CAPZA2: variants seen among roughly 807,000 people sequenced by gnomAD.
CAPZA2 encodes F-actin-capping protein subunit alpha-2.
A neutral mutation model predicts 44.0 loss-of-function variants in CAPZA2; 13 were observed. The ratio of observed to expected loss-of-function variants is 0.30; its 90% CI spans 0.19 to 0.47. CAPZA2 has a LOEUF of 0.47. Ranked by LOEUF, CAPZA2 falls within the 20% of genes least tolerant of loss-of-function variation. The pLI, the probability that CAPZA2 is intolerant of heterozygous loss-of-function variation, is 1.00. For synonymous variants in CAPZA2, 94 were observed against 108.2 expected (o/e 0.87, Z 0.81); for missense variants, 244 against 338.6 (o/e 0.72, Z 2.19).
At chr7:116,880,046 T>C in intron 1 of CAPZA2, 2 of 464,696 alleles carry the variant, frequency 4.3e-6, no homozygotes, top group Non-Finnish European at 8.9e-6. Flanking sequence ...CCCGCTCTGA[T>C]TGATTTTTTT....
At chr7:116,891,746 C>T (rs763377624) in intron 2 of CAPZA2, among the ~76,000 whole-genome samples, 3 of 152,228 alleles carry the variant, frequency 2.0e-5, no homozygotes, top group Non-Finnish European at 2.9e-5. Context: ...CTCCTGACCT[C>T]GTGATCCACC....
At chr7:116,870,749 AG>A in intron 1 of CAPZA2, among the ~76,000 whole-genome samples, 1 of 152,326 alleles carries the variant, frequency 6.6e-6, no homozygotes, top group South Asian at 2.1e-4. Flanking sequence ...TCGTCCCACA[AG>A]AAATGGAGGA....
At chr7:116,883,454 G>T (rs372147850) in intron 1 of CAPZA2, among the ~76,000 whole-genome samples, 2 of 152,152 alleles carry the variant, frequency 1.3e-5, no homozygotes, top group Non-Finnish European at 2.9e-5. Context: ...CCTTTCTTTT[G>T]TCTAGGGCCT....
chr7:116,913,342 G>A (rs762768497), intron 8 of CAPZA2, among the ~76,000 whole-genome samples: 4 of 150,066 alleles, frequency 2.7e-5, no homozygotes, highest in South Asian at 2.1e-4. Flanking sequence ...ACCCAAGGTC[G>A]TGGAGATCTA....
At chr7:116,906,599 T>A in intron 6 of CAPZA2, 1 of 400,602 alleles carries the variant, frequency 2.5e-6, no homozygotes, top group Non-Finnish European at 4.1e-6. Context: ...CATGTGTGCC[T>A]GCGAGAACAC....
chr7:116,869,803 T>C (rs928704598), intron 1 of CAPZA2, among the ~76,000 whole-genome samples: 1 of 152,244 alleles, frequency 6.6e-6, no homozygotes, highest in African/African-American at 2.4e-5. Flanking sequence ...AGCTTCCATC[T>C]AAACTTTCTT....
intron 2 of CAPZA2, among the ~76,000 whole-genome samples, chr7:116,890,030 T>C (rs1296526923): frequency 6.6e-6 from 1 of 152,176 alleles, no homozygotes; most frequent in Admixed American, 6.5e-5. Flanking sequence ...GTAACTTAAA[T>C]TGATAATGGT....
intron 3 of CAPZA2, among the ~76,000 whole-genome samples, chr7:116,898,056 A>G (rs1258074118): frequency 6.6e-6 from 1 of 152,138 alleles, no homozygotes; most frequent in African/African-American, 2.4e-5. Context: ...TGAGCCAGGC[A>G]TTGAGCTTGG....
intron 1 of CAPZA2, chr7:116,875,680 G>A (rs1340426562): frequency 2.6e-5 from 4 of 151,678 alleles, no homozygotes; most frequent in Non-Finnish European, 5.9e-5. Flanking sequence ...CCAAGTTGCT[G>A]GGACCACAGG....
intron 9 of CAPZA2, 128 bp downstream of exon 9, chr7:116,916,250 T>C: frequency 1.1e-6 from 1 of 942,672 alleles, no homozygotes; most frequent in East Asian, 3.3e-5. Flanking sequence ...GTGTCTGCTT[T>C]TAACACAAAG....
chr7:116,876,497 ATAT>A (rs1796624705), intron 1 of CAPZA2: 1 of 152,226 alleles, frequency 6.6e-6, no homozygotes, highest in South Asian at 2.1e-4. Flanking sequence ...GATAAAAATA[ATAT>A]GATCTGTGGA....
chr7:116,871,544 A>G (rs1485117215), intron 1 of CAPZA2, among the ~76,000 whole-genome samples: 2 of 152,294 alleles, frequency 1.3e-5, no homozygotes, highest in East Asian at 3.9e-4. Flanking sequence ...TAATTTTACT[A>G]GTGTTTGGAG....
At chr7:116,914,496 T>G (rs1211840234) in intron 8 of CAPZA2, among the ~76,000 whole-genome samples, 4 of 151,408 alleles carry the variant, frequency 2.6e-5, no homozygotes, top group Non-Finnish European at 4.4e-5. Flanking sequence ...AGGGTGTCAC[T>G]CTGTTGCCCA....
chr7:116,905,600 A>G (rs1393433304), intron 5 of CAPZA2, among the ~76,000 whole-genome samples: 3 of 152,236 alleles, frequency 2.0e-5, no homozygotes. Context: ...ATATTGCAAC[A>G]TAACCTCAAA....
intron 1 of CAPZA2, among the ~76,000 whole-genome samples, chr7:116,867,900 C>G (rs1351402527): frequency 6.6e-6 from 1 of 152,122 alleles, no homozygotes; most frequent in African/African-American, 2.4e-5. Flanking sequence ...CCATTTCTAG[C>G]ACCTCAGATA....
At chr7:116,893,426 G>A (rs994541071) in intron 3 of CAPZA2, among the ~76,000 whole-genome samples, 3 of 152,168 alleles carry the variant, frequency 2.0e-5, no homozygotes, top group Non-Finnish European at 4.4e-5. Context: ...ACCACATCCG[G>A]CCTAAAAGTG....
At chr7:116,878,432 G>T (rs1796648312) in intron 1 of CAPZA2, among the ~76,000 whole-genome samples, 2 of 152,104 alleles carry the variant, frequency 1.3e-5, no homozygotes, top group Non-Finnish European at 2.9e-5. Flanking sequence ...AATAATCATA[G>T]ATAATATTTT....
At chr7:116,868,703 C>T (rs964998108) in intron 1 of CAPZA2, among the ~76,000 whole-genome samples, 1 of 152,140 alleles carries the variant, frequency 6.6e-6, no homozygotes, top group Non-Finnish European at 1.5e-5. Flanking sequence ...CACTGCATTC[C>T]AGCCTGGGCA....
intron 2 of CAPZA2, chr7:116,888,393 C>A: frequency 2.3e-6 from 1 of 430,942 alleles, no homozygotes; most frequent in Non-Finnish European, 4.1e-6. Flanking sequence ...AGCAAATTAA[C>A]CCTTTTAAAG....
Sources: gnomAD v4.1 joint callset for allele counts (sites outside exome capture counted in the v4.1 genomes callset) on GRCh38, gnomAD v4.1.1 for gene constraint, MANE v1.5 for transcripts, NCBI Gene and HGNC (gene_info 2026-07-23, HGNC 2026-07-21) for gene names.